Variants in WDR27 observed in about 807,000 individuals in gnomAD.
The protein encoded by WDR27 is WD repeat domain 27.
A neutral mutation model predicts 114.4 loss-of-function variants in WDR27; 100 were observed. The ratio of observed to expected loss-of-function variants is 0.87; its 90% CI spans 0.74 to 1.03. The LOEUF is 1.03. Among genes scored for constraint, WDR27 ranks in the 50% least tolerant of loss-of-function variants. WDR27 has a pLI of 0.00. For synonymous variants in WDR27, 449 were observed against 423.1 expected, an observed-to-expected ratio of 1.06 and a Z score of -0.75; for missense variants, 1,129 against 1,092.9, an observed-to-expected ratio of 1.03 and a Z score of -0.47.
intron 25 of WDR27, among the ~76,000 whole-genome samples, chr6:169,526,704 A>C (rs1396540289): frequency 1.3e-5 from 2 of 152,232 alleles, no homozygotes; most frequent in Non-Finnish European, 2.9e-5. Flanking sequence ...ACTATAAGGA[A>C]AATGAAAAAT....
chr6:169,462,301 G>C (rs1225218125), intron 25 of WDR27, among the ~76,000 whole-genome samples: 1 of 152,070 alleles, frequency 6.6e-6, no homozygotes, highest in African/African-American at 2.4e-5. Flanking sequence ...GCCAGGTGTA[G>C]TGGCACGTGC....
At chr6:169,638,341 A>AAAAAAG (rs1818239569) in intron 18 of WDR27, among the ~76,000 whole-genome samples, 198 bp downstream of exon 18, 1 of 64,584 alleles carries the variant, frequency 1.5e-5, no homozygotes, top group Admixed American at 1.7e-4. Context: ...AAAAAAAAAA[A>AAAAAAG]AAAAAAAAAA....
At chr6:169,464,189 A>T (rs80210128) in intron 25 of WDR27, among the ~76,000 whole-genome samples, 2,491 of 152,346 alleles carry the variant, frequency 0.016, 67 homozygotes, top group African/African-American at 0.057. Flanking sequence ...ATCGACCTAT[A>T]GACAAATGGG....
intron 25 of WDR27, among the ~76,000 whole-genome samples, chr6:169,458,362 T>A (rs1470930575): frequency 6.6e-6 from 1 of 152,156 alleles, no homozygotes; most frequent in African/African-American, 2.4e-5. Flanking sequence ...CAGCCATTGT[T>A]ACTGTTCCCA....
At chr6:169,666,953 A>G in intron 6 of WDR27, 183 bp downstream of exon 6, 1 of 985,446 alleles carries the variant, frequency 1.0e-6, no homozygotes, top group Non-Finnish European at 1.2e-6. Context: ...AAAAACATCA[A>G]GGACATTCAC....
chr6:169,465,363 A>AT (rs1785443001), intron 25 of WDR27, among the ~76,000 whole-genome samples: 1 of 152,054 alleles, frequency 6.6e-6, no homozygotes, highest in African/African-American at 2.4e-5. Flanking sequence ...TCTCACACTC[A>AT]TTAGGACATG....
intron 25 of WDR27, among the ~76,000 whole-genome samples, chr6:169,538,733 C>CACAT (rs1422150943): frequency 2.7e-5 from 4 of 150,658 alleles, no homozygotes; most frequent in Non-Finnish European, 5.9e-5. Context: ...CACACACACA[C>CACAT]ACAAACACAC....
chr6:169,435,573 A>G, the WDR27 span, among the ~76,000 whole-genome samples: 5 of 152,358 alleles, frequency 3.3e-5, 1 homozygote, highest in East Asian at 9.6e-4. Flanking sequence ...ATTATTTTGT[A>G]GCTTTAAGAT....
chr6:169,619,305 T>C (rs1158558642), intron 21 of WDR27, among the ~76,000 whole-genome samples: 2 of 152,246 alleles, frequency 1.3e-5, no homozygotes, highest in Non-Finnish European at 2.9e-5. Flanking sequence ...ACAATGGCTC[T>C]TCACAAGGCC....
downstream of WDR27, among the ~76,000 whole-genome samples, chr6:169,454,584 T>C (rs35731629): frequency 1.3e-5 from 2 of 152,190 alleles, no homozygotes; most frequent in Admixed American, 6.5e-5. Flanking sequence ...TTAAACAGAA[T>C]GTCAAAAACG....
At chr6:169,568,510 G>A (rs1203184795) in intron 25 of WDR27, among the ~76,000 whole-genome samples, 1 of 152,116 alleles carries the variant, frequency 6.6e-6, no homozygotes, top group Non-Finnish European at 1.5e-5. Context: ...GCTCAGTAGG[G>A]ACCTGCAGCT....
rs138564450 is a variant in WDR27, at chr6:169,538,437, G to T, written c.2645+33982C>A. On this transcript the variant is annotated intron_variant, in intron 25 of 25. Transcript: ENST00000448612. ...CATAGTTCAATAACATGGAAGCAAA[G>T]CAAATGGTTGGACTCCTCCCATAAG... is the stretch of plus-strand genomic sequence containing the variant. 3.0e-3 allele frequency among the ~76,000 whole-genome samples: 452 copies of T among 152,240 alleles called. 1 individual carries two copies. Among genetic ancestry groups the T allele is most frequent in the African/African-American group, 0.01 (428 of 41,534 alleles).
At chr6:169,636,750 C>T (rs1276336360) in intron 18 of WDR27, among the ~76,000 whole-genome samples, 4 of 152,204 alleles carry the variant, frequency 2.6e-5, no homozygotes, top group South Asian at 2.1e-4. Flanking sequence ...AAAAGAAAAT[C>T]GAAACTTAGC....
chr6:169,673,592 T>A (rs1779326957), intron 2 of WDR27, among the ~76,000 whole-genome samples: 1 of 151,834 alleles, frequency 6.6e-6, no homozygotes, highest in African/African-American at 2.4e-5. Flanking sequence ...GGGTCACTTG[T>A]CCCATAAAGA....
chr6:169,660,593 C>T (rs1389576915), intron 10 of WDR27, 70 bp downstream of exon 10: 1 of 1,342,920 alleles, frequency 7.4e-7, no homozygotes, highest in South Asian at 1.2e-5. Context: ...TCCACAAACA[C>T]TTACACTACC....
intron 25 of WDR27, among the ~76,000 whole-genome samples, chr6:169,478,862 T>A (rs1378364721): frequency 6.6e-6 from 1 of 152,238 alleles, no homozygotes; most frequent in Non-Finnish European, 1.5e-5. Context: ...GCTAGCCATA[T>A]GCAGAATATG....
chr6:169,597,723 T>C (rs1003805105), intron 23 of WDR27, among the ~76,000 whole-genome samples: 4 of 152,140 alleles, frequency 2.6e-5, no homozygotes, highest in African/African-American at 7.2e-5. Flanking sequence ...GCTCCAGAAT[T>C]GAATAAAATA....
chr6:169,644,558 C>G (rs1294143239), intron 16 of WDR27, among the ~76,000 whole-genome samples: 1 of 149,944 alleles, frequency 6.7e-6, no homozygotes, highest in Non-Finnish European at 1.5e-5. Flanking sequence ...AGGAGTCACA[C>G]TGTCGAAAAG....
In WDR27 at chr6:169,550,727, T is replaced by C. The variant is rs148479548; in HGVS notation, c.2645+21692A>G. Among the ~76,000 whole-genome samples, 1,506 of 151,814 alleles carry C rather than the reference T, an allele frequency of 9.9e-3. 20 individuals are homozygous for C. The highest frequency in any genetic ancestry group is 0.035 in the African/African-American group (1,432 of 41,360). ...TGAGCCACCACACCTGGCCTTATTT[T>C]ATTTTTGAGACAGGGTCTTTCTCTG... On this transcript the variant is annotated intron_variant, in intron 25 of 25. Transcript: ENST00000448612.
Sources: gnomAD v4.1 joint callset for allele counts (sites outside exome capture counted in the v4.1 genomes callset) on GRCh38, gnomAD v4.1.1 for gene constraint, MANE v1.5 for transcripts, NCBI Gene and HGNC (gene_info 2026-07-23, HGNC 2026-07-21) for gene names.